MMP15: variants seen among roughly 807,000 people sequenced by gnomAD.
MMP15 encodes the protein matrix metallopeptidase 15.
Under a neutral mutation model 65.0 loss-of-function variants are expected in MMP15, and 36 were observed. The ratio of observed to expected loss-of-function variants is 0.55; its 90% CI spans 0.42 to 0.73. The LOEUF (loss-of-function observed/expected upper bound fraction) is 0.73. Among genes scored for constraint, MMP15 ranks in the 30% least tolerant of loss-of-function variants. MMP15 has a pLI of 0.00. For synonymous variants in MMP15, 428 were observed against 410.2 expected (o/e 1.04, Z -0.52); for missense variants, 870 against 987.8 (o/e 0.88, Z 1.60).
chr16:58,040,429 G>A, intron 4 of MMP15, 108 bp from the exon 5 acceptor site: 1 of 1,376,814 alleles, frequency 7.3e-7, no homozygotes, highest in Non-Finnish European at 9.8e-7. Flanking sequence ...TCTTCCAAGA[G>A]GGAAGCAAGG....
At chr16:58,042,167 G>A in intron 6 of MMP15, 64 bp from the exon 7 acceptor site, 1 of 1,561,314 alleles carries the variant, frequency 6.4e-7, no homozygotes, top group Admixed American at 1.8e-5. Context: ...GTGGTTTGAG[G>A]ATGGCACCTC....
chr16:58,045,631 TTTCTGTTTCCCCGACTGGGGCAG>T lies in MMP15; in HGVS notation c.*186_*208del, dbSNP rs1959551899. Reference sequence around the variant, plus strand: ...TTTTGGCACCTTACTTGACCATTTGTTTCTGTTTCCCCGACTGGGGCAGGGTGTTTAGAATTTTCTAAATGTAG... The same window carrying T: ...TTTTGGCACCTTACTTGACCATTTGTGGTGTTTAGAATTTTCTAAATGTAG... On this transcript the variant is annotated 3_prime_UTR_variant, in exon 10 of 10. Transcript: ENST00000219271. 4 of 584,364 alleles carry T rather than the reference TTTCTGTTTCCCCGACTGGGGCAG, an allele frequency of 6.8e-6. No homozygotes were observed. The highest frequency in any genetic ancestry group is 1.2e-5 in the Non-Finnish European group (4 of 339,122). The allele number at this position is 584,364 out of a possible 1,614,324, so 36.2% of individuals were successfully genotyped here.
intron 1 of MMP15, among the ~76,000 whole-genome samples, chr16:58,032,447 C>T (rs1170114083): frequency 2.0e-5 from 3 of 152,098 alleles, no homozygotes; most frequent in African/African-American, 4.8e-5. Flanking sequence ...TGGCAGTGAG[C>T]GCCCCCTGTC....
intron 1 of MMP15, among the ~76,000 whole-genome samples, chr16:58,032,520 G>A (rs1333597359): frequency 1.3e-5 from 2 of 152,236 alleles, no homozygotes; most frequent in Admixed American, 1.3e-4. Flanking sequence ...GCGGGTGGCT[G>A]GGCTTGGTGG....
chr16:58,039,823 A>G (rs1203908120), intron 3 of MMP15, 52 bp from the exon 4 acceptor site: 1 of 1,536,928 alleles, frequency 6.5e-7, no homozygotes, highest in Non-Finnish European at 8.8e-7. Context: ...CCAGCAGAGG[A>G]TAGTAGGCCC....
intron 1 of MMP15, among the ~76,000 whole-genome samples, chr16:58,030,117 G>A (rs1487163653): frequency 1.3e-5 from 2 of 152,124 alleles, no homozygotes; most frequent in African/African-American, 4.8e-5. Context: ...TCCCTGTCTT[G>A]GACACTCCAG....
rs1450580330 is a variant in MMP15, at chr16:58,026,659, C to T, written c.162+147C>T. The T allele has an allele frequency of 3.3e-6, 3 of 905,028 alleles. No individual in the cohort carries two copies. The African/African-American group carries it at 5.2e-5, about 16-fold the overall frequency. 56.1% of individuals were successfully genotyped at this position (905,028 alleles called of 1,614,324 possible). ...CGGGGAAGCAAGCGGACTTGGCAGT[C>T]TGCCCCTCCCCAGCTCGCCCTCTGC... On this transcript the variant is annotated intron_variant, in intron 1 of 9. Transcript: ENST00000219271.
chr16:58,040,603 A>G lies in MMP15; in HGVS notation c.815A>G (p.Asn272Ser). 1.9e-6 allele frequency: 3 copies of G among 1,614,162 alleles called. No homozygotes were observed. The highest frequency in any genetic ancestry group is 2.5e-6 in the Non-Finnish European group (3 of 1,180,038). ...GHALGLEHSSNPNAIMAPFYQ... is the reference protein window; with the variant it reads ...GHALGLEHSSSPNAIMAPFYQ... ...GCGCTGGGGCTGGAGCACTCCAGCA[A>G]CCCCAATGCCATCATGGCGCCGTTC... The change falls in exon 5 of 10, where the codon AAC becomes AGC. Residue 272 changes from asparagine (N) to serine (S), a missense_variant. Transcript: ENST00000219271.
At chr16:58,026,887 G>A (rs1457395008) in intron 1 of MMP15, among the ~76,000 whole-genome samples, 1 of 152,200 alleles carries the variant, frequency 6.6e-6, no homozygotes, top group Non-Finnish European at 1.5e-5. Flanking sequence ...AGCCCGGCTG[G>A]CGCGCAGTGG....
chr16:58,040,319 C>A, intron 4 of MMP15, 137 bp downstream of exon 4: 2 of 1,047,614 alleles, frequency 1.9e-6, no homozygotes, highest in Non-Finnish European at 2.7e-6. Flanking sequence ...TCACTACACT[C>A]AATTTCAGTC....
chr16:58,029,323 C>A (rs41488145), intron 1 of MMP15, among the ~76,000 whole-genome samples: 164 of 152,336 alleles, frequency 1.1e-3, no homozygotes, highest in Non-Finnish European at 2.0e-3. Flanking sequence ...CCACTGGTCC[C>A]CTCTTTCTTT....
chr16:58,034,601 G>A (rs1489671455), intron 1 of MMP15, among the ~76,000 whole-genome samples: 2 of 152,174 alleles, frequency 1.3e-5, no homozygotes, highest in African/African-American at 4.8e-5. Flanking sequence ...CCAGAGGTTT[G>A]AGTGGTCTGC....
At chr16:58,027,487 G>A (rs1321995199) in intron 1 of MMP15, among the ~76,000 whole-genome samples, 1 of 152,206 alleles carries the variant, frequency 6.6e-6, no homozygotes, top group Non-Finnish European at 1.5e-5. Context: ...GCGGGGAGTA[G>A]GGAGAAAGAA....
chr16:58,027,140 C>A (rs1206317302), intron 1 of MMP15, among the ~76,000 whole-genome samples: 2 of 152,220 alleles, frequency 1.3e-5, no homozygotes, highest in African/African-American at 4.8e-5. Flanking sequence ...CACGCCCGGG[C>A]GGGGTCCTAA....
Position 58,040,564 on chromosome 16 carries a change from A to G in MMP15, c.776A>G (p.His259Arg). ...HGNNLFLVAV[H>R]ELGHALGLEH... ...AACAACCTCTTCCTGGTGGCAGTGC[A>G]TGAGCTGGGCCACGCGCTGGGGCTG... The change falls in exon 5 of 10, where the codon CAT becomes CGT. Residue 259 changes from histidine to arginine, a missense_variant. Coordinates refer to ENST00000219271, the MANE Select transcript of MMP15 (RefSeq NM_002428.4). The G allele has an allele frequency of 1.9e-6, 3 of 1,613,870 alleles. No homozygotes were observed. The highest frequency in any genetic ancestry group is 2.5e-6 in the Non-Finnish European group (3 of 1,180,034).
In MMP15 at chr16:58,037,606, C is replaced by T. The variant is rs573747638; in HGVS notation, c.297C>T (p.Asp99=). The T allele has an allele frequency of 2.0e-5, 32 of 1,614,148 alleles. No homozygotes were observed. The East Asian group carries it at 2.7e-4, about 13-fold the overall frequency. The change falls in exon 2 of 10, where the codon GAC becomes GAT. Residue 99 remains aspartate, a synonymous_variant. Coordinates refer to ENST00000219271, the MANE Select transcript of MMP15 (RefSeq NM_002428.4). ...GGATCCCAGTCACCGGTGTGCTCGA[C>T]GAAGAGACCAAGGAGTGAGTTCCCC... The part of the protein sequence containing the change: ...FYGIPVTGVL[D]EETKEWMKRP...
intron 3 of MMP15, 134 bp downstream of exon 3, chr16:58,038,528 A>C (rs1325007412): frequency 1.1e-5 from 13 of 1,148,496 alleles, no homozygotes; most frequent in Non-Finnish European, 1.6e-5. Context: ...CCAGCCACAC[A>C]CGCCAGGCAG....
chr16:58,030,513 G>A (rs963043984), intron 1 of MMP15, among the ~76,000 whole-genome samples: 1 of 152,174 alleles, frequency 6.6e-6, no homozygotes, highest in Admixed American at 6.5e-5. Flanking sequence ...CCAGTATCAG[G>A]ACAGGTGGAT....
chr16:58,041,874 T>C lies in MMP15; in HGVS notation c.1164+4T>C. 1.3e-6 allele frequency: 2 copies of C among 1,574,224 alleles called. No individual in the cohort carries two copies. The highest frequency in any genetic ancestry group is 1.7e-6 in the Non-Finnish European group (2 of 1,160,406). The stretch of plus-strand genomic sequence containing the variant: ...CGGGGAGATGTTCGTGTTCAAGGTC[T>C]GGCCCCGCCTCCCATGCCTGGCCCT... On this transcript the variant is annotated splice_donor_region_variant and intron_variant, in intron 6 of 9. Coordinates refer to ENST00000219271, the MANE Select transcript of MMP15 (RefSeq NM_002428.4).
Sources: gnomAD v4.1 joint callset for allele counts (sites outside exome capture counted in the v4.1 genomes callset) on GRCh38, gnomAD v4.1.1 for gene constraint, MANE v1.5 for transcripts, NCBI Gene and HGNC (gene_info 2026-07-23, HGNC 2026-07-21) for gene names.